The following VIPR2 variants were observed in gnomAD, a reference collection of about 807,000 sequenced individuals.
The protein encoded by VIPR2 is vasoactive intestinal peptide receptor 2.
In VIPR2, 48 loss-of-function variants were observed where a neutral mutation model predicts 58.0. The observed-to-expected ratio is 0.83, with a 90% CI of 0.66 to 1.05. The LOEUF is 1.05. Among genes scored for constraint, VIPR2 ranks in the 50% least tolerant of loss-of-function variants. The pLI is 0.00. For missense variants in VIPR2, 534 were observed against 558.0 expected (o/e 0.96, Z 0.43); for synonymous variants, 243 against 235.2 (o/e 1.03, Z -0.30).
At position 159,098,639 on chromosome 7, in the gene VIPR2, A is replaced by G. The variant is rs1858008015; in HGVS notation, c.357+5118T>C. On this transcript the variant is annotated intron_variant, in intron 4 of 12. Coordinates refer to ENST00000262178, the MANE Select transcript of VIPR2 (RefSeq NM_003382.5). The surrounding 1 kb of genome is among the most constrained non-coding windows in gnomAD (Gnocchi z 5.2). ...TCAGCAGTGCCCAGGGCTGCCCTAG[A>G]GCCCTCTGGTCCGCAGAGCCCTTCT... 6.6e-6 allele frequency among the ~76,000 whole-genome samples: 1 copy of G among 152,156 alleles called. No individual in the cohort carries two copies. Among genetic ancestry groups the G allele is most frequent in the African/African-American group, 2.4e-5 (1 of 41,432 alleles).
intron 4 of VIPR2, among the ~76,000 whole-genome samples, chr7:159,076,265 T>A (rs1376986213): frequency 6.6e-6 from 1 of 152,168 alleles, no homozygotes; most frequent in Admixed American, 6.5e-5. Flanking sequence ...AAAACAAAAA[T>A]GTTGCTTGTA....
chr7:159,058,133 A>C (rs967015568), intron 5 of VIPR2, among the ~76,000 whole-genome samples: 4 of 152,230 alleles, frequency 2.6e-5, no homozygotes, highest in African/African-American at 9.6e-5. Context: ...ACGTCGTAGC[A>C]TCTCTCTAAT....
At chr7:159,082,512 A>G (rs1244059172) in intron 4 of VIPR2, among the ~76,000 whole-genome samples, 3 of 152,310 alleles carry the variant, frequency 2.0e-5, no homozygotes, top group South Asian at 2.1e-4. Flanking sequence ...AGATATACCA[A>G]ATGCTAAGTG....
In VIPR2 at chr7:159,109,799, C is replaced by T. The variant is rs953397124; in HGVS notation, c.259+13G>A. On this transcript the variant is annotated intron_variant, in intron 3 of 12. Transcript: ENST00000262178. ...CCCTGGAGGAGCTCAGGAACTCAACCGACGGACAGTACCTGCTTTGCTGTA... is the reference window on the plus strand; with the variant it reads ...CCCTGGAGGAGCTCAGGAACTCAACTGACGGACAGTACCTGCTTTGCTGTA... The T allele has an allele frequency of 1.7e-5, 28 of 1,613,132 alleles. No homozygotes were observed. Among genetic ancestry groups the T allele is most frequent in the Non-Finnish European group, 2.1e-5 (25 of 1,179,228 alleles).
chr7:159,111,424 A>T (rs1269261130), intron 2 of VIPR2, among the ~76,000 whole-genome samples: 1 of 152,198 alleles, frequency 6.6e-6, no homozygotes, highest in East Asian at 1.9e-4. Context: ...TCACACCTGT[A>T]ATCCCAGCGC....
intron 4 of VIPR2, among the ~76,000 whole-genome samples, chr7:159,087,268 G>T (rs891062896): frequency 2.8e-4 from 38 of 136,822 alleles, no homozygotes; most frequent in Non-Finnish European, 1.9e-4. Flanking sequence ...ACCACACTCT[G>T]CCAGGATTCT....
At chr7:159,105,561 A>G (rs1261856811) in intron 3 of VIPR2, among the ~76,000 whole-genome samples, 2 of 152,030 alleles carry the variant, frequency 1.3e-5, no homozygotes, top group Non-Finnish European at 2.9e-5. Context: ...TGTACTGGGG[A>G]GGAGTGGGGT....
At chr7:159,050,358 A>C (rs1290316599) in intron 5 of VIPR2, among the ~76,000 whole-genome samples, 2 of 149,946 alleles carry the variant, frequency 1.3e-5, no homozygotes, top group Admixed American at 6.7e-5. Context: ...AAAAAACAAA[A>C]AAAAAAACAA....
chr7:159,132,648 G>GGCCACA (rs1489941127), intron 2 of VIPR2, among the ~76,000 whole-genome samples: 1 of 152,262 alleles, frequency 6.6e-6, no homozygotes, highest in East Asian at 1.9e-4. Flanking sequence ...GAGTCACAGT[G>GGCCACA]GCCACAGTGG....
intron 5 of VIPR2, 39 bp from the exon 6 acceptor site, chr7:159,043,215 G>A: frequency 1.4e-6 from 2 of 1,397,110 alleles, no homozygotes; most frequent in Non-Finnish European, 2.0e-6. Flanking sequence ...ATTGGAGGGG[G>A]AAGGGGAGGG....
At chr7:159,062,592 C>G (rs1043774875) in intron 4 of VIPR2, among the ~76,000 whole-genome samples, 1 of 152,096 alleles carries the variant, frequency 6.6e-6, no homozygotes, top group Non-Finnish European at 1.5e-5. Context: ...TCTCGCTGGT[C>G]TTAGGAGTGA....
intron 3 of VIPR2, among the ~76,000 whole-genome samples, chr7:159,104,890 A>T (rs1858556630): frequency 6.7e-6 from 1 of 148,738 alleles, no homozygotes; most frequent in Admixed American, 6.6e-5. Flanking sequence ...GGCCTGCCCC[A>T]GTTCCTGACA....
intron 2 of VIPR2, chr7:159,117,405 G>A: frequency 1.4e-6 from 1 of 717,464 alleles, no homozygotes; most frequent in Non-Finnish European, 2.6e-6. Context: ...CCTTTGTATG[G>A]CCTGTGAACA....
intron 6 of VIPR2, among the ~76,000 whole-genome samples, chr7:159,042,416 G>A (rs1374576919): frequency 1.3e-5 from 2 of 152,190 alleles, no homozygotes; most frequent in East Asian, 1.9e-4. Flanking sequence ...ACTTGATTAG[G>A]TACTATATAA....
chr7:159,076,694 A>G (rs1856653610), intron 4 of VIPR2, among the ~76,000 whole-genome samples: 1 of 152,212 alleles, frequency 6.6e-6, no homozygotes, highest in Admixed American at 6.5e-5. Context: ...TCAAAGAAAA[A>G]TAAGCACTTG....
intron 4 of VIPR2, among the ~76,000 whole-genome samples, chr7:159,102,620 C>A (rs777407233): frequency 1.3e-5 from 2 of 152,160 alleles, no homozygotes; most frequent in Non-Finnish European, 2.9e-5. Context: ...CAAAGGAGGC[C>A]TCTGTAAGAA....
In VIPR2 at chr7:159,036,035, A is replaced by G. The variant is rs763702875; in HGVS notation, c.749-23T>C. 5.6e-6 allele frequency: 9 copies of G among 1,610,826 alleles called. No homozygotes were observed. In the Admixed American group the frequency reaches 1.0e-4, roughly 18 times the overall value. On this transcript the variant is annotated intron_variant, in intron 7 of 12. Coordinates refer to ENST00000262178, the MANE Select transcript of VIPR2 (RefSeq NM_003382.5). ...GGCCTGCAGAGAGACGCCTGGTTAC[A>G]CAGGTGGAGCGGAGCGGTGTGCACG...
intron 2 of VIPR2, among the ~76,000 whole-genome samples, chr7:159,136,533 A>C (rs1250031896): frequency 6.6e-6 from 1 of 152,040 alleles, no homozygotes; most frequent in Non-Finnish European, 1.5e-5. Flanking sequence ...CCATGTACCC[A>C]AGACAACCAC....
In VIPR2 at chr7:159,084,632, C is replaced by T. The variant is rs113328265; in HGVS notation, c.357+19125G>A. 8.4e-3 allele frequency among the ~76,000 whole-genome samples: 1,275 copies of T among 152,342 alleles called. 16 individuals are homozygous for T. The highest frequency in any genetic ancestry group is 0.029 in the African/African-American group (1,222 of 41,590). On this transcript the variant is annotated intron_variant, in intron 4 of 12. Transcript: ENST00000262178. ...GTCTGCAGGGCCCCTGGCGGCGTGG[C>T]CTCACGCTGCAGAAAGTGCAGGGTT...
Sources: gnomAD v4.1 joint callset for allele counts (sites outside exome capture counted in the v4.1 genomes callset) on GRCh38, gnomAD v4.1.1 for gene constraint, Gnocchi (gnomAD v3.1) non-coding constraint, MANE v1.5 for transcripts, NCBI Gene and HGNC (gene_info 2026-07-23, HGNC 2026-07-21) for gene names.